THEMIS2: variants seen among roughly 807,000 people sequenced by gnomAD.
THEMIS2 encodes thymocyte selection associated family member 2.
Under a neutral mutation model 46.8 loss-of-function variants are expected in THEMIS2, and 29 were observed. The observed-to-expected ratio is 0.62, with a 90% CI of 0.46 to 0.84. The LOEUF (loss-of-function observed/expected upper bound fraction) is 0.84. Among genes scored for constraint, THEMIS2 ranks in the 40% least tolerant of loss-of-function variants. The pLI, the probability that THEMIS2 is intolerant of heterozygous loss-of-function variation, is 0.00. For synonymous variants in THEMIS2, 335 were observed against 349.1 expected, an observed-to-expected ratio of 0.96 and a Z score of 0.45; for missense variants, 698 against 834.7, an observed-to-expected ratio of 0.84 and a Z score of 2.02.
intron 3 of THEMIS2, among the ~76,000 whole-genome samples, chr1:27,881,658 T>C (rs1041233421): frequency 3.3e-5 from 5 of 151,192 alleles, no homozygotes; most frequent in African/African-American, 1.2e-4. Flanking sequence ...TGAAACCCCA[T>C]CTCTACTAAA....
intron 3 of THEMIS2, 81 bp from the exon 4 acceptor site, chr1:27,881,881 AGGCCAGCCG>A: frequency 1.0e-6 from 1 of 1,001,866 alleles, no homozygotes; most frequent in Non-Finnish European, 1.4e-6. Context: ...AGCGGGAGGG[AGGCCAGCCG>A]GCCCAGCCAA....
intron 1 of THEMIS2, among the ~76,000 whole-genome samples, chr1:27,876,357 A>T (rs2089578846): frequency 6.6e-6 from 1 of 152,066 alleles, no homozygotes; most frequent in Non-Finnish European, 1.5e-5. Flanking sequence ...GGGGATGTGA[A>T]AAAGGCCAGA....
intron 1 of THEMIS2, among the ~76,000 whole-genome samples, chr1:27,875,459 G>C (rs1557445629): frequency 6.6e-6 from 1 of 152,182 alleles, no homozygotes; most frequent in Non-Finnish European, 1.5e-5. Flanking sequence ...TGTGGTTTAT[G>C]ACTGGTGGGC....
chr1:27,879,825 C>G lies in THEMIS2; in HGVS notation c.417C>G (p.Leu139=), dbSNP rs1045846619. 1 of 1,613,760 alleles carries G rather than the reference C, an allele frequency of 6.2e-7. No homozygotes were observed. Among genetic ancestry groups the G allele is most frequent in the Non-Finnish European group, 8.5e-7 (1 of 1,179,688 alleles). The change falls in exon 3 of 6, where the codon CTC becomes CTG. Residue 139 remains leucine (L), a synonymous_variant. Coordinates refer to ENST00000373921, the MANE Select transcript of THEMIS2 (RefSeq NM_001105556.3). ...LLMLEAVVMH[L]GIRSARCVLG... is the part of the protein sequence containing the mutation. ...TGCTTGAGGCTGTGGTGATGCACCT[C>G]GGGATCCGCTCTGCCCGCTGTGTCC...
chr1:27,876,483 C>T, intron 1 of THEMIS2, 105 bp from the exon 2 acceptor site: 1 of 1,397,288 alleles, frequency 7.2e-7, no homozygotes, highest in Non-Finnish European at 9.8e-7. Flanking sequence ...GCAGCAGGCA[C>T]CATGTGCAAA....
At chr1:27,885,119 CAG>C (rs2089746254) in intron 4 of THEMIS2, 174 bp from the exon 5 acceptor site, 1 of 620,832 alleles carries the variant, frequency 1.6e-6, no homozygotes, top group East Asian at 2.9e-5. Context: ...TCTCCCTTGC[CAG>C]AGAATATTTC....
At position 27,872,762 on chromosome 1, in the gene THEMIS2, G is replaced by C. The variant is rs1440113249; in HGVS notation, c.94+97G>C. 9.7e-7 allele frequency: 1 copy of C among 1,030,668 alleles called. No homozygotes were observed. The highest frequency in any genetic ancestry group is 1.3e-6 in the Non-Finnish European group (1 of 793,906). The allele number at this position is 1,030,668 out of a possible 1,614,324, so 63.8% of individuals were successfully genotyped here. On this transcript the variant is annotated intron_variant, in intron 1 of 5. Coordinates refer to ENST00000373921, the MANE Select transcript of THEMIS2 (RefSeq NM_001105556.3). The surrounding 1 kb of genome is among the most constrained non-coding windows in gnomAD (Gnocchi z 4.9). Reference sequence around the variant, plus strand: ...TAGCAATCCGGGGAAACTGCCCCTGGGTTCAAATCCCGACACTGCCACTGG... The same window carrying C: ...TAGCAATCCGGGGAAACTGCCCCTGCGTTCAAATCCCGACACTGCCACTGG...
At position 27,885,894 on chromosome 1, in the gene THEMIS2, T is replaced by C. The variant is rs777252544; in HGVS notation, c.1904T>C (p.Ile635Thr). ...LDDDEHDYEE[I>T]LEQFQKTI Reference sequence around the variant, plus strand: ...GATGATGAACATGATTATGAAGAAATACTTGAGCAATTTCAGAAAACCATC... The same window carrying C: ...GATGATGAACATGATTATGAAGAAACACTTGAGCAATTTCAGAAAACCATC... Residue 635 changes from isoleucine to threonine, a missense_variant, in exon 6 of 6, where the codon ATA becomes ACA. Ile to Thr is a moderately conservative substitution (Grantham distance 89). Coordinates refer to ENST00000373921, the MANE Select transcript of THEMIS2 (RefSeq NM_001105556.3). 2.5e-6 allele frequency: 4 copies of C among 1,613,914 alleles called. No individual in the cohort carries two copies. The highest frequency in any genetic ancestry group is 3.3e-5 in the Admixed American group (2 of 59,990).
At chr1:27,875,895 G>A (rs900902760) in intron 1 of THEMIS2, among the ~76,000 whole-genome samples, 27 of 151,704 alleles carry the variant, frequency 1.8e-4, no homozygotes, top group African/African-American at 6.1e-4. Context: ...GTAGAGTCGG[G>A]GTTTCCCTGT....
chr1:27,872,554 C>T lies in THEMIS2; in HGVS notation c.-18C>T, dbSNP rs1243700298. ...GCCCGCCCGCCCCTCAGTCTGAGCCCAGAGAGCCGCGGGGACCATGGAGCC... is the reference window on the plus strand; with the variant it reads ...GCCCGCCCGCCCCTCAGTCTGAGCCTAGAGAGCCGCGGGGACCATGGAGCC... On this transcript the variant is annotated 5_prime_UTR_variant, in exon 1 of 6. Coordinates refer to ENST00000373921, the MANE Select transcript of THEMIS2 (RefSeq NM_001105556.3). This position sits in a 1 kb window ranked among gnomAD's most constrained non-coding sequence, Gnocchi z 4.9. 6.1e-6 allele frequency: 9 copies of T among 1,481,092 alleles called. No homozygotes were observed. The highest frequency in any genetic ancestry group is 2.5e-5 in the South Asian group (2 of 79,506). 91.7% of individuals were successfully genotyped at this position (1,481,092 alleles called of 1,614,324 possible). A position where few individuals can be genotyped will look rare whatever the true frequency, so the allele number is the denominator to read the frequency against.
At chr1:27,879,246 A>G (rs994974477) in intron 2 of THEMIS2, among the ~76,000 whole-genome samples, 2 of 152,060 alleles carry the variant, frequency 1.3e-5, no homozygotes, top group African/African-American at 4.8e-5. Flanking sequence ...GAGGGACGGC[A>G]GGTTTTGGAT....
chr1:27,885,124 A>T (rs2089746390), intron 4 of THEMIS2, 171 bp from the exon 5 acceptor site: 2 of 636,594 alleles, frequency 3.1e-6, no homozygotes, highest in Non-Finnish European at 5.4e-6. Flanking sequence ...CTTGCCAGAG[A>T]ATATTTCACA....
chr1:27,872,782 C>G lies in THEMIS2; in HGVS notation c.94+117C>G. The G allele has an allele frequency of 1.2e-6, 1 of 824,306 alleles. No homozygotes were observed. The highest frequency in any genetic ancestry group is 1.6e-6 in the Non-Finnish European group (1 of 606,814). The allele number at this position is 824,306 out of a possible 1,614,324, so 51.1% of individuals were successfully genotyped here. On this transcript the variant is annotated intron_variant, in intron 1 of 5. Coordinates refer to ENST00000373921, the MANE Select transcript of THEMIS2 (RefSeq NM_001105556.3). This position sits in a 1 kb window ranked among gnomAD's most constrained non-coding sequence, Gnocchi z 4.9. ...CCCTGGGTTCAAATCCCGACACTGC[C>G]ACTGGCCAAGCTGTGTGATTTGGGG...
In THEMIS2 at chr1:27,876,454, A is replaced by G. The variant is rs1018001876; in HGVS notation, c.95-134A>G. 10 of 1,151,924 alleles carry G rather than the reference A, an allele frequency of 8.7e-6. No homozygotes were observed. In the African/African-American group the frequency reaches 1.5e-4, roughly 18 times the overall value. 71.4% of individuals were successfully genotyped at this position (1,151,924 alleles called of 1,614,324 possible). On this transcript the variant is annotated intron_variant, in intron 1 of 5. Coordinates refer to ENST00000373921, the MANE Select transcript of THEMIS2 (RefSeq NM_001105556.3). ...AACCTGTGGGCATGAGGCAGGAACG[A>G]CAGAGCAGGGCATGCCAGGCAGCAG...
intron 5 of THEMIS2, 35 bp from the exon 6 acceptor site, chr1:27,885,832 G>A (rs774672803): frequency 1.1e-5 from 17 of 1,610,216 alleles, no homozygotes; most frequent in Non-Finnish European, 1.3e-5. Context: ...CTTGCCTAAC[G>A]CTAAAGATCC....
chr1:27,885,441 G>A lies in THEMIS2; in HGVS notation c.1866G>A (p.Arg622=). Residue 622 remains arginine, a synonymous_variant, in exon 5 of 6, where the codon AGG becomes AGA. Transcript: ENST00000373921. ...GCCACAGGCCCGCTAAGCCCCAAAG[G>A]CAGGATCTAGGTGAGTCCCTGTGGG... is the stretch of plus-strand genomic sequence containing the variant. ...RKGHRPAKPQ[R]QDLDDDEHDY... 1.2e-6 allele frequency: 2 copies of A among 1,613,788 alleles called. No homozygotes were observed. The highest frequency in any genetic ancestry group is 1.7e-6 in the Non-Finnish European group (2 of 1,179,964).
Position 27,882,722 on chromosome 1 carries a change from T to C in THEMIS2, c.1398T>C (p.Thr466=), listed in dbSNP as rs2089705293. ...KVVAKDTSHP[T]DPLTSFLGLR... ...TGGCCAAGGACACCAGCCACCCCAC[T>C]GACCCTCTGACCTCCTTCCTGGGCC... The change falls in exon 4 of 6, where the codon ACT becomes ACC. Residue 466 remains threonine, a synonymous_variant. Transcript: ENST00000373921. The surrounding 1 kb of genome is among the most constrained non-coding windows in gnomAD (Gnocchi z 7.6). 6.2e-7 allele frequency: 1 copy of C among 1,613,914 alleles called. No homozygotes were observed. The highest frequency in any genetic ancestry group is 2.2e-5 in the East Asian group (1 of 44,840).
chr1:27,880,064 C>G lies in THEMIS2; in HGVS notation c.646+10C>G. On this transcript the variant is annotated intron_variant, in intron 3 of 5. Transcript: ENST00000373921. ...CAAGCCATCATGCACAGTGAGTTGC[C>G]TGGGCAGATGGATGCGCGCTGCTGG... 1 of 1,584,716 alleles carries G rather than the reference C, an allele frequency of 6.3e-7. No individual in the cohort carries two copies. The highest frequency in any genetic ancestry group is 1.1e-5 in the South Asian group (1 of 89,016).
intron 2 of THEMIS2, among the ~76,000 whole-genome samples, chr1:27,877,605 G>A (rs201433501): frequency 6.6e-6 from 1 of 152,102 alleles, no homozygotes; most frequent in Non-Finnish European, 1.5e-5. Context: ...GGGATTACAG[G>A]CATGAGCCAC....
Sources: allele counts gnomAD v4.1 joint callset (sites outside exome capture counted in the v4.1 genomes callset), GRCh38; gene constraint gnomAD v4.1.1; non-coding constraint Gnocchi (gnomAD v3.1); transcripts MANE v1.5; gene names NCBI Gene and HGNC (gene_info 2026-07-23, HGNC 2026-07-21).